CNTN4: variants seen among roughly 807,000 people sequenced by gnomAD.
CNTN4 encodes contactin-4.
Under a neutral mutation model 122.5 loss-of-function variants are expected in CNTN4, and 77 were observed. That is an observed-to-expected ratio of 0.63 (90% CI 0.52 to 0.76). The LOEUF (loss-of-function observed/expected upper bound fraction) is 0.76. Among genes scored for constraint, CNTN4 ranks in the 30% least tolerant of loss-of-function variants. CNTN4 has a pLI of 0.00. For synonymous variants in CNTN4, 512 were observed against 447.0 expected (o/e 1.15, Z -1.83); for missense variants, 1,256 against 1,259.1 (o/e 1.00, Z 0.04).
intron 14 of CNTN4, among the ~76,000 whole-genome samples, chr3:3,014,583 T>C (rs1046699002): frequency 2.0e-5 from 3 of 151,990 alleles, no homozygotes; most frequent in African/African-American, 7.2e-5. Flanking sequence ...CCACTTGGTG[T>C]GAATGTCATT....
intron 14 of CNTN4, among the ~76,000 whole-genome samples, chr3:2,991,947 G>A (rs1695095161): frequency 6.6e-6 from 1 of 152,156 alleles, no homozygotes; most frequent in Admixed American, 6.5e-5. Context: ...TTAAAACACC[G>A]TGAAGGTCGG....
chr3:2,627,826 T>G (rs1238615402), intron 4 of CNTN4, among the ~76,000 whole-genome samples: 1 of 152,326 alleles, frequency 6.6e-6, no homozygotes, highest in Middle Eastern at 3.4e-3. Flanking sequence ...GCATCAAAGC[T>G]TGTTTATTAA....
At chr3:2,900,651 T>C (rs1192518524) in intron 10 of CNTN4, 34 bp from the exon 11 acceptor site, 2 of 1,609,590 alleles carry the variant, frequency 1.2e-6, no homozygotes, top group South Asian at 1.1e-5. Context: ...ACACACTGAA[T>C]ATACACCTTT....
Position 2,841,777 on chromosome 3 carries a change from T to C in CNTN4, c.454+22196T>C, listed in dbSNP as rs745433739. Among the ~76,000 whole-genome samples, 2 of 152,184 alleles carry C rather than the reference T, an allele frequency of 1.3e-5. No individual in the cohort carries two copies. Among genetic ancestry groups the C allele is most frequent in the Non-Finnish European group, 2.9e-5 (2 of 68,040 alleles). ...AACATGATCATTTTCAGGAATTTTA[T>C]TCTTCCTCCCTTGACCACAAATATT... On this transcript the variant is annotated intron_variant, in intron 7 of 24. Coordinates refer to ENST00000418658, the MANE Select transcript of CNTN4 (RefSeq NM_175607.3). This position sits in a 1 kb window ranked among gnomAD's most constrained non-coding sequence, Gnocchi z 4.8.
At chr3:2,484,523 A>C (rs1209270696) in intron 3 of CNTN4, among the ~76,000 whole-genome samples, 2 of 152,124 alleles carry the variant, frequency 1.3e-5, no homozygotes, top group African/African-American at 2.4e-5. Context: ...TGGAATTGCT[A>C]AAGGAAATAC....
At chr3:2,996,125 G>A (rs1695512378) in intron 14 of CNTN4, among the ~76,000 whole-genome samples, 1 of 152,124 alleles carries the variant, frequency 6.6e-6, no homozygotes, top group Non-Finnish European at 1.5e-5. Context: ...TGCCTGGAGT[G>A]AGATTATGTG....
At chr3:2,125,039 G>C (rs925872619) in intron 2 of CNTN4, among the ~76,000 whole-genome samples, 2 of 152,114 alleles carry the variant, frequency 1.3e-5, no homozygotes, top group Non-Finnish European at 2.9e-5. Flanking sequence ...ACTATGTCGT[G>C]TAGCAGATCT....
chr3:2,612,611 CT>C (rs2081547264), intron 4 of CNTN4, among the ~76,000 whole-genome samples: 1 of 152,036 alleles, frequency 6.6e-6, no homozygotes, highest in Admixed American at 6.6e-5. Flanking sequence ...GAAGATACTG[CT>C]TTTAGCTGGG....
At chr3:3,030,742 T>C (rs1306699242) in intron 15 of CNTN4, 113 bp from the exon 16 acceptor site, 18 of 1,269,876 alleles carry the variant, frequency 1.4e-5, no homozygotes, top group Admixed American at 6.8e-5. Flanking sequence ...GCATCACTAA[T>C]GCTTTCATCA....
intron 3 of CNTN4, among the ~76,000 whole-genome samples, chr3:2,419,425 A>G (rs1038351800): frequency 7.2e-5 from 11 of 152,154 alleles, no homozygotes; most frequent in African/African-American, 1.2e-4. Context: ...TGTTCAGGAT[A>G]TATTCAACGT....
chr3:2,834,493 G>C (rs1025350113), intron 7 of CNTN4, among the ~76,000 whole-genome samples: 1 of 152,018 alleles, frequency 6.6e-6, no homozygotes, highest in Admixed American at 6.6e-5. Context: ...CTTGAACCCA[G>C]CAGGCGAAGT....
rs545208324 is a variant in CNTN4, at chr3:2,478,483, G to A, written c.-88-92933G>A. On this transcript the variant is annotated intron_variant, in intron 3 of 24. Coordinates refer to ENST00000418658, the MANE Select transcript of CNTN4 (RefSeq NM_175607.3). The stretch of plus-strand genomic sequence containing the variant: ...TGGGATGTGTAGGTTTGTTACATAG[G>A]TAAACATGTGCCATGATGGTTTACT... 8.2e-3 allele frequency among the ~76,000 whole-genome samples: 1,026 copies of A among 124,872 alleles called. 12 individuals carry two copies. Among genetic ancestry groups the A allele is most frequent in the African/African-American group, 0.032 (986 of 31,108 alleles). 81.9% of individuals were successfully genotyped at this position (124,872 alleles called of 152,430 possible). A position where few individuals can be genotyped will look rare whatever the true frequency, so the allele number is the denominator to read the frequency against.
intron 10 of CNTN4, among the ~76,000 whole-genome samples, chr3:2,895,206 C>T (rs2094093998): frequency 6.6e-6 from 1 of 152,154 alleles, no homozygotes; most frequent in African/African-American, 2.4e-5. Flanking sequence ...AAACTCCTGA[C>T]CTCAGATGAT....
In CNTN4 at chr3:3,034,753, G is replaced by T. The variant is rs745920653; in HGVS notation, c.1905G>T (p.Arg635Ser). The T allele has an allele frequency of 6.2e-7, 1 of 1,613,940 alleles. No homozygotes were observed. Among genetic ancestry groups the T allele is most frequent in the African/African-American group, 1.3e-5 (1 of 74,874 alleles). ...SPITMYVIQA[R>S]TPFSVGWQAV... ...TCACCATGTATGTCATTCAAGCCAGGACTCCATTCTCCGTGGGCTGGCAAG... is the reference window on the plus strand; with the variant it reads ...TCACCATGTATGTCATTCAAGCCAGTACTCCATTCTCCGTGGGCTGGCAAG... The change falls in exon 17 of 25, where the codon AGG (arginine) becomes AGT (serine). Residue 635 changes from arginine to serine, a missense_variant. Coordinates refer to ENST00000418658, the MANE Select transcript of CNTN4 (RefSeq NM_175607.3).
chr3:2,425,296 C>A (rs1225169064), intron 3 of CNTN4, among the ~76,000 whole-genome samples: 1 of 152,088 alleles, frequency 6.6e-6, no homozygotes, highest in Admixed American at 6.5e-5. Flanking sequence ...TATGGCTAGC[C>A]AGTTTTCCCA....
At chr3:2,672,505 C>T (rs545223602) in intron 4 of CNTN4, among the ~76,000 whole-genome samples, 4 of 152,266 alleles carry the variant, frequency 2.6e-5, no homozygotes, top group East Asian at 3.9e-4. Context: ...TTCCAGGTGC[C>T]GTCTGTCACC....
chr3:2,736,413 A>C (rs940190854), intron 5 of CNTN4, 72 bp downstream of exon 5: 4 of 1,180,226 alleles, frequency 3.4e-6, no homozygotes, highest in Non-Finnish European at 3.6e-6. Context: ...TACTTATACA[A>C]TGCTGGTTAC....
chr3:2,268,429 C>T (rs543818863), intron 2 of CNTN4, among the ~76,000 whole-genome samples: 85 of 151,984 alleles, frequency 5.6e-4, no homozygotes, highest in South Asian at 1.5e-3. Context: ...ATTTTCAGTC[C>T]GGAGATGTTA....
At chr3:3,055,366 A>C (rs975517002) in intron 24 of CNTN4, among the ~76,000 whole-genome samples, 1 of 152,198 alleles carries the variant, frequency 6.6e-6, no homozygotes, top group African/African-American at 2.4e-5. Flanking sequence ...TATTCATTAC[A>C]AAAACATATA....
Sources: allele counts gnomAD v4.1 joint callset (sites outside exome capture counted in the v4.1 genomes callset), GRCh38; gene constraint gnomAD v4.1.1; non-coding constraint Gnocchi (gnomAD v3.1); transcripts MANE v1.5; gene names NCBI Gene and HGNC (gene_info 2026-07-23, HGNC 2026-07-21).